Variants in SLC16A10 observed in about 807,000 individuals in gnomAD.
SLC16A10 encodes monocarboxylate transporter 10.
Under a neutral mutation model 40.0 loss-of-function variants are expected in SLC16A10, and 27 were observed. The ratio of observed to expected loss-of-function variants is 0.67; its 90% confidence interval spans 0.50 to 0.93. The LOEUF (loss-of-function observed/expected upper bound fraction) is 0.93, where lower values mean the gene tolerates loss of function less well. Ranked by LOEUF, SLC16A10 falls within the 40% of genes least tolerant of loss-of-function variation. The pLI is 0.00. For synonymous variants in SLC16A10, 213 were observed against 249.8 expected, an observed-to-expected ratio of 0.85 and a Z score of 1.39; for missense variants, 529 against 658.2, an observed-to-expected ratio of 0.80 and a Z score of 2.15.
chr6:111,088,932 T>A (rs1046916195), intron 1 of SLC16A10, among the ~76,000 whole-genome samples: 2 of 152,070 alleles, frequency 1.3e-5, no homozygotes, highest in African/African-American at 4.8e-5. Context: ...TCCTGCAAGG[T>A]GAGCGCGGTC....
Position 111,168,177 on chromosome 6 carries a change from G to C in SLC16A10, c.344-4518G>C, listed in dbSNP as rs964154676. Among the ~76,000 whole-genome samples the C allele has an allele frequency of 3.3e-5, 5 of 152,002 alleles. No individual in the cohort carries two copies. The East Asian group carries it at 9.7e-4, about 29-fold the overall frequency. ...GTATTTTTAGTAGAGATGGGGTTTC[G>C]CCCTGTTGGCCAGGCTGGTCTCGAA... On this transcript the variant is annotated intron_variant, in intron 1 of 5. Transcript: ENST00000368851.
rs540857901 is a variant in SLC16A10, at chr6:111,163,452, A to G, written c.344-9243A>G. ...CAGGCGTGAGCCACCGCACCCGGCA[A>G]CATAATAATTTTAATTACGATTGAT... On this transcript the variant is annotated intron_variant, in intron 1 of 5. Coordinates refer to ENST00000368851, the MANE Select transcript of SLC16A10 (RefSeq NM_018593.5). Among the ~76,000 whole-genome samples, 7 of 152,330 alleles carry G rather than the reference A, an allele frequency of 4.6e-5. No homozygotes were observed. In the East Asian group the frequency reaches 9.6e-4, roughly 21 times the overall value.
chr6:111,183,628 T>C (rs1208894943), intron 3 of SLC16A10, among the ~76,000 whole-genome samples: 1 of 152,240 alleles, frequency 6.6e-6, no homozygotes, highest in South Asian at 2.1e-4. Flanking sequence ...GGACATGGTG[T>C]TATTAATATT....
At chr6:111,150,843 C>G (rs931234564) in intron 1 of SLC16A10, among the ~76,000 whole-genome samples, 5 of 152,136 alleles carry the variant, frequency 3.3e-5, no homozygotes, top group African/African-American at 1.2e-4. Flanking sequence ...CAAGTCTCTA[C>G]TCGTACAATA....
chr6:111,195,063 T>A (rs1773057454), intron 3 of SLC16A10, among the ~76,000 whole-genome samples: 1 of 152,094 alleles, frequency 6.6e-6, no homozygotes, highest in East Asian at 1.9e-4. Flanking sequence ...TCTCCTGAAA[T>A]AAAATTCCTA....
intron 1 of SLC16A10, among the ~76,000 whole-genome samples, chr6:111,157,824 CAGA>C (rs1246037387): frequency 3.3e-5 from 5 of 150,626 alleles, no homozygotes; most frequent in African/African-American, 1.2e-4. Context: ...ATCTCCCATG[CAGA>C]AGAATTCCAA....
intron 1 of SLC16A10, among the ~76,000 whole-genome samples, chr6:111,161,209 C>T (rs1004562771): frequency 3.2e-4 from 32 of 100,926 alleles, no homozygotes; most frequent in Admixed American, 5.0e-4. Context: ...GCTGACATAG[C>T]GAGACAGTGT....
At chr6:111,132,125 T>C (rs184427826) in intron 1 of SLC16A10, among the ~76,000 whole-genome samples, 2 of 152,046 alleles carry the variant, frequency 1.3e-5, no homozygotes, top group Non-Finnish European at 2.9e-5. Flanking sequence ...CATGGGCAGT[T>C]ATGTAGGACC....
rs1333043586 is a variant in SLC16A10, at chr6:111,100,961, TC to T, written c.343+12867del. Among the ~76,000 whole-genome samples, 4 of 68,722 alleles carry T rather than the reference TC, an allele frequency of 5.8e-5. No individual in the cohort carries two copies. The East Asian group carries it at 1.1e-3, about 19-fold the overall frequency. The allele number at this position is 68,722 out of a possible 152,430, so 45.1% of individuals were successfully genotyped here. Reference sequence around the variant, plus strand: ...GGTTCTCTCTCGCTCTTTCTCTCCCTCTCTCTCTCTCTCTCTCTCTCTCTCT... The same window carrying T: ...GGTTCTCTCTCGCTCTTTCTCTCCCTTCTCTCTCTCTCTCTCTCTCTCTCT... On this transcript the variant is annotated intron_variant, in intron 1 of 5. Transcript: ENST00000368851.
chr6:111,117,936 G>A (rs988266089), intron 1 of SLC16A10, among the ~76,000 whole-genome samples: 8 of 152,184 alleles, frequency 5.3e-5, no homozygotes, highest in African/African-American at 1.9e-4. Flanking sequence ...TGGAGGGAGA[G>A]CGAAGCCAAA....
intron 1 of SLC16A10, among the ~76,000 whole-genome samples, chr6:111,129,030 T>C (rs950868400): frequency 4.6e-5 from 7 of 152,168 alleles, no homozygotes; most frequent in African/African-American, 1.7e-4. Flanking sequence ...AGTTATAGAG[T>C]ATCTACTTAT....
chr6:111,124,113 A>G (rs1039936405), intron 1 of SLC16A10, among the ~76,000 whole-genome samples: 1 of 152,180 alleles, frequency 6.6e-6, no homozygotes, highest in Admixed American at 6.5e-5. Flanking sequence ...TGATTTCATC[A>G]TATGACTTGA....
intron 1 of SLC16A10, among the ~76,000 whole-genome samples, chr6:111,128,354 A>G (rs1223384327): frequency 6.6e-6 from 1 of 152,206 alleles, no homozygotes; most frequent in Non-Finnish European, 1.5e-5. Context: ...GTAGCAGGTC[A>G]GTGATGCCAG....
chr6:111,206,286 A>G (rs1179944924), intron 3 of SLC16A10, among the ~76,000 whole-genome samples: 1 of 152,174 alleles, frequency 6.6e-6, no homozygotes, highest in Non-Finnish European at 1.5e-5. Flanking sequence ...CACGTTGGCC[A>G]GGCTGGTCTC....
chr6:111,203,221 A>G (rs111454560), intron 3 of SLC16A10, among the ~76,000 whole-genome samples: 1 of 152,312 alleles, frequency 6.6e-6, no homozygotes, highest in African/African-American at 2.4e-5. Context: ...AGCAGCAGTC[A>G]TGGACAGCCT....
chr6:111,146,119 C>T (rs1772072638), intron 1 of SLC16A10, among the ~76,000 whole-genome samples: 2 of 152,046 alleles, frequency 1.3e-5, no homozygotes, highest in Non-Finnish European at 2.9e-5. Context: ...AATAAAAAGA[C>T]AAGTAACACA....
intron 1 of SLC16A10, among the ~76,000 whole-genome samples, chr6:111,131,387 A>G (rs1771779537): frequency 1.3e-5 from 2 of 152,162 alleles, no homozygotes; most frequent in Non-Finnish European, 2.9e-5. Context: ...GAGGCCAAGA[A>G]CCCCAGGTCA....
At chr6:111,129,032 T>C (rs1387981648) in intron 1 of SLC16A10, among the ~76,000 whole-genome samples, 1 of 152,220 alleles carries the variant, frequency 6.6e-6, no homozygotes, top group African/African-American at 2.4e-5. Context: ...TTATAGAGTA[T>C]CTACTTATTT....
chr6:111,168,457 T>C (rs1008330081), intron 1 of SLC16A10, among the ~76,000 whole-genome samples: 14 of 152,208 alleles, frequency 9.2e-5, no homozygotes, highest in South Asian at 4.1e-4. Context: ...GCTAGCTCTA[T>C]TGAGTCTTTA....
Sources: allele counts gnomAD v4.1 joint callset (sites outside exome capture counted in the v4.1 genomes callset), GRCh38; gene constraint gnomAD v4.1.1; transcripts MANE v1.5; gene names NCBI Gene and HGNC (gene_info 2026-07-23, HGNC 2026-07-21).